BDH1: variants seen among roughly 807,000 people sequenced by gnomAD.
BDH1 encodes the protein D-beta-hydroxybutyrate dehydrogenase, mitochondrial.
In BDH1, 30 loss-of-function variants were observed where a neutral mutation model predicts 33.1. That is an observed-to-expected ratio of 0.91 (90% CI 0.68 to 1.23). The LOEUF (loss-of-function observed/expected upper bound fraction) is 1.23. Among genes scored for constraint, BDH1 ranks in the 50% most tolerant of loss-of-function variants. BDH1 has a pLI of 0.00. For missense variants in BDH1, 443 were observed against 464.4 expected (o/e 0.95, Z 0.42); for synonymous variants, 190 against 183.6 (o/e 1.03, Z -0.28).
In BDH1 at chr3:197,521,581, G is replaced by A. The variant is rs886398287; in HGVS notation, c.409+1059C>T. Among the ~76,000 whole-genome samples the A allele has an allele frequency of 3.3e-5, 5 of 152,020 alleles. No individual in the cohort carries two copies. Among genetic ancestry groups the A allele is most frequent in the East Asian group, 3.9e-4 (2 of 5,182 alleles). ...TCCCCGACTCCCAGTGTCACCTGCCGTGGGCACCTGCTCTTCTAGCCTGGA... is the reference window on the plus strand; with the variant it reads ...TCCCCGACTCCCAGTGTCACCTGCCATGGGCACCTGCTCTTCTAGCCTGGA... On this transcript the variant is annotated intron_variant, in intron 6 of 7. Coordinates refer to ENST00000392379, the MANE Select transcript of BDH1 (RefSeq NM_203314.3). This position sits in a 1 kb window ranked among gnomAD's most constrained non-coding sequence, Gnocchi z 4.9.
At position 197,514,659 on chromosome 3, in the gene BDH1, G is replaced by A. The variant is rs994995910; in HGVS notation, c.410-243C>T. ...TCCTCACGTCACATCTGCCTGGCTCGAGTCTCTGGGCCCATCATGACCCAG... is the reference window on the plus strand; with the variant it reads ...TCCTCACGTCACATCTGCCTGGCTCAAGTCTCTGGGCCCATCATGACCCAG... On this transcript the variant is annotated intron_variant, in intron 6 of 7. Transcript: ENST00000392379. The surrounding 1 kb of genome is among the most constrained non-coding windows in gnomAD (Gnocchi z 4.2). 6.6e-6 allele frequency among the ~76,000 whole-genome samples: 1 copy of A among 152,232 alleles called. No individual in the cohort carries two copies. The highest frequency in any genetic ancestry group is 2.4e-5 in the African/African-American group (1 of 41,546).
intron 1 of BDH1, among the ~76,000 whole-genome samples, chr3:197,571,439 A>G (rs533096921): frequency 6.6e-6 from 1 of 152,324 alleles, no homozygotes; most frequent in Non-Finnish European, 1.5e-5. Flanking sequence ...CTCATCTTGA[A>G]TTATAGCTAC....
chr3:197,540,311 C>T (rs762647798), intron 3 of BDH1, among the ~76,000 whole-genome samples: 30 of 149,736 alleles, frequency 2.0e-4, no homozygotes, highest in Non-Finnish European at 2.4e-4. Context: ...GCCTCTGCCT[C>T]CCAAAGTGCT....
chr3:197,532,069 C>A (rs781723046), intron 5 of BDH1, among the ~76,000 whole-genome samples: 14 of 152,212 alleles, frequency 9.2e-5, no homozygotes, highest in Non-Finnish European at 1.5e-4. Context: ...CTGCTTCACT[C>A]GAATTCTTCA....
intron 2 of BDH1, among the ~76,000 whole-genome samples, chr3:197,547,071 G>A (rs1287032620): frequency 6.6e-6 from 1 of 151,934 alleles, no homozygotes; most frequent in African/African-American, 2.4e-5. Flanking sequence ...CATAGAGTTT[G>A]GAGCTGCCAA....
rs1711838311 is a variant in BDH1, at chr3:197,510,606, GTGTGTGTGTGTGTGTGT to G, written c.*1272_*1288del. On this transcript the variant is annotated 3_prime_UTR_variant, in exon 8 of 8. Coordinates refer to ENST00000392379, the MANE Select transcript of BDH1 (RefSeq NM_203314.3). ...GAAGCCCTGCAGAACAGGGGTGTGT[GTGTGTGTGTGTGTGTGT>G]GTGTGTGTGTGTGTGTGTGTGTGTG... 3 of 24,458 alleles carry G rather than the reference GTGTGTGTGTGTGTGTGT, an allele frequency of 1.2e-4. No individual in the cohort carries two copies. The highest frequency in any genetic ancestry group is 1.0e-3 in the Admixed American group (3 of 2,914). 1.5% of individuals were successfully genotyped at this position (24,458 alleles called of 1,614,324 possible). A position where few individuals can be genotyped will look rare whatever the true frequency, so the allele number is the denominator to read the frequency against.
chr3:197,510,600 GTGTGTGTGTGTGTGTGTGTGTGTGTGT>G lies in BDH1; in HGVS notation c.*1268_*1294del, dbSNP rs1711830529. The G allele has an allele frequency of 5.5e-5, 1 of 18,040 alleles. No individual in the cohort carries two copies. The highest frequency in any genetic ancestry group is 1.0e-3 in the East Asian group (1 of 998). The allele number at this position is 18,040 out of a possible 1,614,324, so 1.1% of individuals were successfully genotyped here. ...CACGCTGAAGCCCTGCAGAACAGGG[GTGTGTGTGTGTGTGTGTGTGTGTGTGT>G]GTGTGTGTGTGTGTGTGTGTGTGTG... On this transcript the variant is annotated 3_prime_UTR_variant, in exon 8 of 8. Transcript: ENST00000392379.
In BDH1 at chr3:197,520,700, C is replaced by G. The variant is rs1272387415; in HGVS notation, c.409+1940G>C. On this transcript the variant is annotated intron_variant, in intron 6 of 7. Transcript: ENST00000392379. The surrounding 1 kb of genome is among the most constrained non-coding windows in gnomAD (Gnocchi z 6.0). ...GGTGCCGATGCAGCTGTTTTCCTGC[C>G]CAGTAGTTTATGAAGGAAAATATAG... is the stretch of plus-strand genomic sequence containing the variant. Among the ~76,000 whole-genome samples, 1 of 152,082 alleles carries G rather than the reference C, an allele frequency of 6.6e-6. No individual in the cohort carries two copies. Among genetic ancestry groups the G allele is most frequent in the Non-Finnish European group, 1.5e-5 (1 of 68,000 alleles).
At chr3:197,531,205 G>A (rs1714608624) in intron 5 of BDH1, among the ~76,000 whole-genome samples, 1 of 151,960 alleles carries the variant, frequency 6.6e-6, no homozygotes, top group African/African-American at 2.4e-5. Flanking sequence ...AGACCAGTCT[G>A]GCCAACATGG....
intron 1 of BDH1, chr3:197,555,263 A>G (rs556377388): frequency 1.4e-3 from 211 of 154,678 alleles, no homozygotes; most frequent in African/African-American, 3.9e-3. Flanking sequence ...GAGGAGGAGG[A>G]GGAGGGACGC....
At chr3:197,543,246 G>A in intron 3 of BDH1, 1 of 935,356 alleles carries the variant, frequency 1.1e-6, no homozygotes, top group Non-Finnish European at 1.3e-6. Context: ...GGCAGCATCT[G>A]TGAAAAAAAT....
chr3:197,548,371 AC>A (rs1716268904), intron 2 of BDH1, among the ~76,000 whole-genome samples: 1 of 152,204 alleles, frequency 6.6e-6, no homozygotes, highest in South Asian at 2.1e-4. Flanking sequence ...GTCTGAGGTC[AC>A]CATCACTGGG....
rs1560314757 is a variant in BDH1 at position 197,525,197 on chromosome 3, G to A, written c.268-2416C>T. ...TGCAGACCCCTCTCTTCCACAGGCG[G>A]CACACAGGTACCAGGAAAACACGTG... is the stretch of plus-strand genomic sequence containing the variant. On this transcript the variant is annotated intron_variant, in intron 5 of 7. Transcript: ENST00000392379. The surrounding 1 kb of genome is among the most constrained non-coding windows in gnomAD (Gnocchi z 4.9). Among the ~76,000 whole-genome samples the A allele has an allele frequency of 6.6e-6, 1 of 152,114 alleles. No homozygotes were observed. Among genetic ancestry groups the A allele is most frequent in the Non-Finnish European group, 1.5e-5 (1 of 68,014 alleles).
rs1579902445 is a variant in BDH1, at chr3:197,523,183, C to G, written c.268-402G>C. 5.4e-6 allele frequency: 1 copy of G among 185,630 alleles called. No individual in the cohort carries two copies. Among genetic ancestry groups the G allele is most frequent in the African/African-American group, 2.3e-5 (1 of 42,696 alleles). 11.5% of individuals were successfully genotyped at this position (185,630 alleles called of 1,614,324 possible). A position where few individuals can be genotyped will look rare whatever the true frequency, so the allele number is the denominator to read the frequency against. ...ATTTTTAAGCTAGTAATTGGGAAATCTCTTCATTCTTTTAAGTGTTGGCAA... is the reference window on the plus strand; with the variant it reads ...ATTTTTAAGCTAGTAATTGGGAAATGTCTTCATTCTTTTAAGTGTTGGCAA... On this transcript the variant is annotated intron_variant, in intron 5 of 7. Transcript: ENST00000392379. The surrounding 1 kb of genome is among the most constrained non-coding windows in gnomAD (Gnocchi z 4.5).
At chr3:197,536,612 A>G (rs7649964) in intron 3 of BDH1, among the ~76,000 whole-genome samples, 16,532 of 152,084 alleles carry the variant, frequency 0.11, 1,041 homozygotes, top group African/African-American at 0.17. Flanking sequence ...AGGCCGAGGC[A>G]GGTGGATCAA....
intron 1 of BDH1, among the ~76,000 whole-genome samples, chr3:197,569,904 G>A (rs1717553677): frequency 6.6e-6 from 1 of 152,224 alleles, no homozygotes; most frequent in Non-Finnish European, 1.5e-5. Context: ...AAGCAACTTT[G>A]GAACTGGGTA....
chr3:197,565,397 T>TTCCAAAA (rs1717403458), intron 1 of BDH1, among the ~76,000 whole-genome samples: 2 of 152,234 alleles, frequency 1.3e-5, no homozygotes, highest in African/African-American at 4.8e-5. Context: ...TTGATAACCT[T>TTCCAAAA]TCCAAAATCA....
chr3:197,522,422 G>A lies in BDH1; in HGVS notation c.409+218C>T, dbSNP rs561421150. On this transcript the variant is annotated intron_variant, in intron 6 of 7. Coordinates refer to ENST00000392379, the MANE Select transcript of BDH1 (RefSeq NM_203314.3). The surrounding 1 kb of genome is among the most constrained non-coding windows in gnomAD (Gnocchi z 4.8). ...TCAGTGCGTAGCCACCTAGCACTCC[G>A]TGAACTCTGAAATCACCTCCTGACT... Among the ~76,000 whole-genome samples, 18 of 152,298 alleles carry A rather than the reference G, an allele frequency of 1.2e-4. No individual in the cohort carries two copies. Among genetic ancestry groups the A allele is most frequent in the African/African-American group, 3.4e-4 (14 of 41,564 alleles).
At chr3:197,551,728 T>C (rs994516262) in intron 2 of BDH1, among the ~76,000 whole-genome samples, 1 of 152,200 alleles carries the variant, frequency 6.6e-6, no homozygotes, top group African/African-American at 2.4e-5. Flanking sequence ...TTTTGACCCC[T>C]ATTCTGAGAA....
Sources: gnomAD v4.1 joint callset for allele counts (sites outside exome capture counted in the v4.1 genomes callset) on GRCh38, gnomAD v4.1.1 for gene constraint, Gnocchi (gnomAD v3.1) non-coding constraint, MANE v1.5 for transcripts, NCBI Gene and HGNC (gene_info 2026-07-23, HGNC 2026-07-21) for gene names.